RHBDD3: variants seen among roughly 807,000 people sequenced by gnomAD.
The protein encoded by RHBDD3 is rhomboid domain-containing protein 3.
A neutral mutation model predicts 32.3 loss-of-function variants in RHBDD3; 34 were observed. The observed-to-expected ratio is 1.05, with a 90% CI of 0.80 to 1.40. The LOEUF (loss-of-function observed/expected upper bound fraction) is 1.40. Ranked by LOEUF, RHBDD3 falls within the 40% of genes most tolerant of loss-of-function variation. The pLI is 0.00. For synonymous variants in RHBDD3, 249 were observed against 239.1 expected (o/e 1.04, Z -0.38); for missense variants, 482 against 492.6 (o/e 0.98, Z 0.20).
chr22:29,264,406 T>C (rs1442441001), intron 3 of RHBDD3, 188 bp from the exon 4 acceptor site: 37 of 1,416,544 alleles, frequency 2.6e-5, no homozygotes, highest in East Asian at 5.2e-5. Context: ...TTCCAAACAC[T>C]GTGGCTACGC....
chr22:29,264,540 A>G, intron 3 of RHBDD3: 1 of 1,121,208 alleles, frequency 8.9e-7, no homozygotes. Flanking sequence ...TTACTAAATC[A>G]TACCTGGCTG....
At chr22:29,261,653 TTA>T (rs1569019203) in intron 4 of RHBDD3, among the ~76,000 whole-genome samples, 1 of 151,964 alleles carries the variant, frequency 6.6e-6, no homozygotes, top group African/African-American at 2.4e-5. Context: ...CTAGCACGAC[TTA>T]TTTATTTATT....
chr22:29,263,212 T>C (rs958532736), intron 4 of RHBDD3, among the ~76,000 whole-genome samples: 5 of 152,228 alleles, frequency 3.3e-5, no homozygotes, highest in Non-Finnish European at 7.3e-5. Flanking sequence ...GCCCAGCTAA[T>C]TTTTGTATTT....
Position 29,260,773 on chromosome 22 carries a change from G to A in RHBDD3, c.624C>T (p.Cys208=). Residue 208 remains cysteine, a synonymous_variant, in exon 5 of 7, where the codon TGC becomes TGT. Transcript: ENST00000216085. ...EGVLCRTLAG[C]WPLRLLATPG... ...GGGTGGCAAGGAGCCTCAGGGGCCA[G>A]CACCCCGCCAAGGTCCTGCACAAGA... 6.2e-7 allele frequency: 1 copy of A among 1,602,548 alleles called. No individual in the cohort carries two copies. Among genetic ancestry groups the A allele is most frequent in the Middle Eastern group, 1.7e-4 (1 of 5,956 alleles).
chr22:29,263,297 C>T (rs982201260), intron 4 of RHBDD3, among the ~76,000 whole-genome samples: 9 of 152,216 alleles, frequency 5.9e-5, no homozygotes, highest in Admixed American at 5.9e-4. Context: ...CCCACCTTGG[C>T]CTCCCAAAGT....
chr22:29,265,033 C>A (rs967701498), intron 3 of RHBDD3: 2 of 152,794 alleles, frequency 1.3e-5, no homozygotes, highest in African/African-American at 4.8e-5. Context: ...CCGCCTCGGC[C>A]TCCCAAAGTG....
rs913294565 is a variant in RHBDD3 at position 29,260,508 on chromosome 22, C to A, written c.801G>T (p.Trp267Cys). 6.3e-7 allele frequency: 1 copy of A among 1,599,612 alleles called. No individual in the cohort carries two copies. ...PPSLRPVQPT[W>C]EGSSEAGLDW... is the part of the protein sequence containing the mutation. ...CCAGGCCTGCCTCTGAGGAGCCCTCCCAGGTGGGCTGCACAGGCCTCAGGC... is the reference window on the plus strand; with the variant it reads ...CCAGGCCTGCCTCTGAGGAGCCCTCACAGGTGGGCTGCACAGGCCTCAGGC... Residue 267 changes from tryptophan (W) to cysteine (C), a missense_variant, in exon 6 of 7, where the codon TGG becomes TGT. Trp to Cys is a radical substitution (Grantham distance 215). Coordinates refer to ENST00000216085, the MANE Select transcript of RHBDD3 (RefSeq NM_012265.3).
Position 29,260,486 on chromosome 22 carries a change from G to T in RHBDD3, c.823C>A (p.Leu275Met). The change falls in exon 6 of 7, where the codon CTG becomes ATG. Residue 275 changes from leucine to methionine, a missense_variant. Transcript: ENST00000216085. Reference sequence around the variant, plus strand: ...GAGAAGCTGGCCCCAGCCCAGTCCAGGCCTGCCTCTGAGGAGCCCTCCCAG... The same window carrying T: ...GAGAAGCTGGCCCCAGCCCAGTCCATGCCTGCCTCTGAGGAGCCCTCCCAG... Reference protein sequence around the residue: ...PTWEGSSEAGLDWAGASFSPG... With the variant: ...PTWEGSSEAGMDWAGASFSPG... 1 of 1,605,202 alleles carries T rather than the reference G, an allele frequency of 6.2e-7. No individual in the cohort carries two copies. Among genetic ancestry groups the T allele is most frequent in the Non-Finnish European group, 8.5e-7 (1 of 1,177,470 alleles).
rs781231217 is a variant in RHBDD3, at chr22:29,260,840, A to G, written c.557T>C (p.Leu186Pro). Reference sequence around the variant, plus strand: ...CTGCAGCCGTCGCTCTGAGGGTTCCAGCCACCGGAAGGCCCCAGCTGCATC... The same window carrying G: ...CTGCAGCCGTCGCTCTGAGGGTTCCGGCCACCGGAAGGCCCCAGCTGCATC... ...LAYAAGAFRW[L>P]EPSERRLQVL... is the part of the protein sequence containing the mutation. The change falls in exon 5 of 7, where the codon CTG becomes CCG. Residue 186 changes from leucine to proline, a missense_variant. Physicochemically the swap from Leu to Pro is moderately conservative, Grantham distance 98. Coordinates refer to ENST00000216085, the MANE Select transcript of RHBDD3 (RefSeq NM_012265.3). 4 of 1,596,584 alleles carry G rather than the reference A, an allele frequency of 2.5e-6. No homozygotes were observed. The highest frequency in any genetic ancestry group is 3.4e-6 in the Non-Finnish European group (4 of 1,173,538).
rs771234431 is a variant in RHBDD3, at chr22:29,260,861, G to C, written c.536C>G (p.Ala179Gly). The C allele has an allele frequency of 6.6e-5, 104 of 1,579,698 alleles. No individual in the cohort carries two copies. The change falls in exon 5 of 7, where the codon GCA (alanine) becomes GGA (glycine). Residue 179 changes from alanine to glycine, a missense_variant. Ala to Gly is a moderately conservative substitution (Grantham distance 60, BLOSUM62 0). Coordinates refer to ENST00000216085, the MANE Select transcript of RHBDD3 (RefSeq NM_012265.3). ...LCGLLAGLAY[A>G]AGAFRWLEPS... Reference sequence around the variant, plus strand: ...TTCCAGCCACCGGAAGGCCCCAGCTGCATCTGTCTGCCCGGGGCAGGGCGG... The same window carrying C: ...TTCCAGCCACCGGAAGGCCCCAGCTCCATCTGTCTGCCCGGGGCAGGGCGG...
chr22:29,266,302 CTT>C (rs1311721575), intron 2 of RHBDD3, among the ~76,000 whole-genome samples: 1 of 152,204 alleles, frequency 6.6e-6, no homozygotes, highest in African/African-American at 2.4e-5. Context: ...CGCTCCACCT[CTT>C]TCTGCTCTGT....
At chr22:29,261,985 T>G (rs1354542937) in intron 4 of RHBDD3, 1 of 152,054 alleles carries the variant, frequency 6.6e-6, no homozygotes, top group East Asian at 1.9e-4. Context: ...AATATTCTTT[T>G]CCTCATTGAA....
rs756123398 is a variant in RHBDD3 at position 29,260,334 on chromosome 22, G to A, written c.975C>T (p.Ser325=). 8 of 1,608,666 alleles carry A rather than the reference G, an allele frequency of 5.0e-6. No individual in the cohort carries two copies. Among genetic ancestry groups the A allele is most frequent in the South Asian group, 1.1e-5 (1 of 90,406 alleles). ...TGCCCACCCCACCTTACCGCAGAGA[G>A]GAGACAGAGGACTTGGACAGCCATG... ...SAPWLSKSSV[S]SLRLQQLERM... The change falls in exon 6 of 7, where the codon TCC becomes TCT. Residue 325 remains serine, a synonymous_variant. Coordinates refer to ENST00000216085, the MANE Select transcript of RHBDD3 (RefSeq NM_012265.3).
In RHBDD3 at chr22:29,260,856, C is replaced by T; in HGVS notation, c.541G>A (p.Gly181Arg). ...GLLAGLAYAAGAFRWLEPSER... is the reference protein window; with the variant it reads ...GLLAGLAYAARAFRWLEPSER... ...GAGGGTTCCAGCCACCGGAAGGCCC[C>T]AGCTGCATCTGTCTGCCCGGGGCAG... The change falls in exon 5 of 7, where the codon GGG becomes AGG. Residue 181 changes from glycine (G) to arginine (R), a missense_variant. Transcript: ENST00000216085. 2 of 1,585,600 alleles carry T rather than the reference C, an allele frequency of 1.3e-6. No individual in the cohort carries two copies. The highest frequency in any genetic ancestry group is 1.7e-6 in the Non-Finnish European group (2 of 1,169,266).
chr22:29,267,604 G>A (rs2146542994), intron 1 of RHBDD3, 27 bp from the exon 2 acceptor site: 1 of 153,542 alleles, frequency 6.5e-6, no homozygotes, highest in African/African-American at 2.4e-5. Flanking sequence ...ATCGGATGAG[G>A]GATGATTAAA....
chr22:29,260,559 C>T lies in RHBDD3; in HGVS notation c.750G>A (p.Trp250Ter), dbSNP rs1265518212. The change falls in exon 6 of 7, where the codon TGG becomes TGA. Residue 250 changes from tryptophan (W) to a stop codon, truncating the protein, a stop_gained. Coordinates refer to ENST00000216085, the MANE Select transcript of RHBDD3 (RefSeq NM_012265.3). LOFTEE classifies it high-confidence loss of function. ...TTGGTGGGGGCAGGGCTGAGTCTTC[C>T]CAGTGGGACCAGAGGTCAGGGGAGG... ...YVASPDLWSH[W>*]EDSALPPPSL... 6.3e-7 allele frequency: 1 copy of T among 1,599,404 alleles called. No homozygotes were observed. The highest frequency in any genetic ancestry group is 1.1e-5 in the South Asian group (1 of 88,896).
chr22:29,260,718 G>C lies in RHBDD3; in HGVS notation c.679C>G (p.His227Asp). The C allele has an allele frequency of 6.3e-7, 1 of 1,587,076 alleles. No individual in the cohort carries two copies. The highest frequency in any genetic ancestry group is 1.2e-5 in the South Asian group (1 of 86,520). Residue 227 changes from histidine (H) to aspartate (D), a missense_variant, in exon 5 of 7, where the codon CAT becomes GAT. Transcript: ENST00000216085. ...PGSLAELPVT[H>D]PAGVRPPIPG... ...CACCCTCACCTCACTCCGGCAGGAT[G>C]GGTGACAGGCAGCTCCGCCAGGCTA...
intron 4 of RHBDD3, chr22:29,261,336 T>C (rs1177255440): frequency 2.1e-6 from 1 of 470,210 alleles, no homozygotes; most frequent in South Asian, 1.5e-5. Flanking sequence ...GGCTCACAGC[T>C]GTATAATCCC....
intron 4 of RHBDD3, chr22:29,261,232 C>T: frequency 2.0e-6 from 1 of 510,100 alleles, no homozygotes; most frequent in South Asian, 1.5e-5. Flanking sequence ...CTGGATAACT[C>T]CTGTCACCAA....
Sources: gnomAD v4.1 joint callset for allele counts (sites outside exome capture counted in the v4.1 genomes callset) on GRCh38, gnomAD v4.1.1 for gene constraint, MANE v1.5 for transcripts, NCBI Gene and HGNC (gene_info 2026-07-23, HGNC 2026-07-21) for gene names.